Variants in GRM1 observed in about 807,000 individuals in gnomAD.
GRM1 encodes the protein glutamate metabotropic receptor 1, also known as metabotropic glutamate receptor 1.
GRM1 carries 33 observed loss-of-function variants against 90.9 expected under a neutral mutation model. That is an observed-to-expected ratio of 0.36 (90% CI 0.28 to 0.49). The LOEUF is 0.49. GRM1 is among the 20% of genes least tolerant of loss of function. The probability of loss-of-function intolerance (pLI) is 0.99; values close to 1 mark genes in which losing one functional copy is unlikely to be tolerated. For synonymous variants in GRM1, 700 were observed against 613.2 expected (o/e 1.14, Z -2.09); for missense variants, 1,190 against 1,534.3 (o/e 0.78, Z 3.75).
chr6:146,375,766 G>A (rs1439883375), intron 5 of GRM1, among the ~76,000 whole-genome samples: 1 of 151,908 alleles, frequency 6.6e-6, no homozygotes, highest in East Asian at 1.9e-4. Flanking sequence ...TTTATTTTCA[G>A]TCTAACCATG....
At chr6:146,235,196 A>T (rs546384984) in intron 2 of GRM1, among the ~76,000 whole-genome samples, 59 of 152,260 alleles carry the variant, frequency 3.9e-4, no homozygotes, top group African/African-American at 1.4e-3. Context: ...CACAGGGCAT[A>T]AAATTCTCAC....
chr6:146,319,598 G>A (rs927164828), intron 3 of GRM1, among the ~76,000 whole-genome samples: 2 of 152,190 alleles, frequency 1.3e-5, no homozygotes, highest in African/African-American at 4.8e-5. Flanking sequence ...TCCTATCCAT[G>A]AGCATGGGAT....
At chr6:146,366,214 A>G (rs1372026852) in intron 5 of GRM1, among the ~76,000 whole-genome samples, 2 of 152,290 alleles carry the variant, frequency 1.3e-5, no homozygotes. Context: ...ATTTTTATTG[A>G]CACATAATAA....
At chr6:146,344,816 C>A (rs28718733) in intron 3 of GRM1, among the ~76,000 whole-genome samples, 1 of 138,730 alleles carries the variant, frequency 7.2e-6, no homozygotes, top group African/African-American at 2.6e-5. Context: ...TCTTTTTTTT[C>A]TTTCTTTTTT....
At chr6:146,391,949 TAAC>T (rs955085804) in intron 6 of GRM1, among the ~76,000 whole-genome samples, 1 of 152,100 alleles carries the variant, frequency 6.6e-6, no homozygotes, top group African/African-American at 2.4e-5. Flanking sequence ...CCCTCTAGCA[TAAC>T]AACATTGTTC....
chr6:146,082,939 A>G (rs140315887), intron 1 of GRM1, among the ~76,000 whole-genome samples: 94 of 152,298 alleles, frequency 6.2e-4, no homozygotes, highest in African/African-American at 2.0e-3. Context: ...TTCTCCTTGA[A>G]GAAGCCCTTC....
intron 2 of GRM1, among the ~76,000 whole-genome samples, chr6:146,187,865 G>A (rs1192010858): frequency 1.3e-5 from 2 of 151,664 alleles, no homozygotes; most frequent in Non-Finnish European, 2.9e-5. Flanking sequence ...TTCTATAATC[G>A]GTAAGAACAA....
chr6:146,154,197 A>G (rs59291342), intron 1 of GRM1, among the ~76,000 whole-genome samples: 20,338 of 152,170 alleles, frequency 0.13, 2,250 homozygotes, highest in African/African-American at 0.29. Context: ...ATTGAAGTCC[A>G]AGGGTGGGCA....
chr6:146,285,170 A>G (rs921150904), intron 2 of GRM1, among the ~76,000 whole-genome samples: 10 of 152,204 alleles, frequency 6.6e-5, no homozygotes, highest in Admixed American at 5.2e-4. Flanking sequence ...CCTACCTCAC[A>G]GCTGATACAC....
At chr6:146,165,747 A>G (rs1777882044) in intron 2 of GRM1, among the ~76,000 whole-genome samples, 1 of 152,128 alleles carries the variant, frequency 6.6e-6, no homozygotes, top group African/African-American at 2.4e-5. Context: ...AAGGAGAAGG[A>G]ATTTTGTTTA....
At chr6:146,085,205 A>G (rs1039912610) in intron 1 of GRM1, among the ~76,000 whole-genome samples, 2 of 152,144 alleles carry the variant, frequency 1.3e-5, no homozygotes, top group South Asian at 2.1e-4. Flanking sequence ...TAAAAATATC[A>G]TAATATTTTT....
Position 146,055,678 on chromosome 6 carries a change from G to A in GRM1, c.700+25461G>A, listed in dbSNP as rs568877096. Among the ~76,000 whole-genome samples, 167 of 152,164 alleles carry A rather than the reference G, an allele frequency of 1.1e-3. 1 individual carries two copies. The highest frequency in any genetic ancestry group is 2.1e-3 in the Non-Finnish European group (140 of 68,002). On this transcript the variant is annotated intron_variant, in intron 1 of 7. Transcript: ENST00000282753. Reference sequence around the variant, plus strand: ...TGACAGCACGTAGGCAGCATGTAGAGCAATAAATAATTTCCCTCGGCAGCT... The same window carrying A: ...TGACAGCACGTAGGCAGCATGTAGAACAATAAATAATTTCCCTCGGCAGCT...
chr6:146,077,788 C>T (rs986984600), intron 1 of GRM1, among the ~76,000 whole-genome samples: 15 of 152,088 alleles, frequency 9.9e-5, no homozygotes, highest in African/African-American at 2.9e-4. Context: ...CCTCATACAC[C>T]AGGCCCTGGT....
At chr6:146,341,908 A>G (rs980868164) in intron 3 of GRM1, among the ~76,000 whole-genome samples, 2 of 152,214 alleles carry the variant, frequency 1.3e-5, no homozygotes, top group African/African-American at 4.8e-5. Flanking sequence ...CTAAACTAAT[A>G]TTAACAACCA....
chr6:146,195,380 C>A (rs1273366044), intron 2 of GRM1, among the ~76,000 whole-genome samples: 1 of 152,206 alleles, frequency 6.6e-6, no homozygotes, highest in Non-Finnish European at 1.5e-5. Flanking sequence ...AACTTTTCAC[C>A]TATCTCTTCA....
intron 2 of GRM1, among the ~76,000 whole-genome samples, chr6:146,227,052 TTTA>T (rs1424141056): frequency 2.0e-5 from 3 of 152,148 alleles, no homozygotes; most frequent in Non-Finnish European, 4.4e-5. Context: ...TTTTATTAAT[TTTA>T]TTATATCATT....
chr6:146,042,961 CA>C (rs1203159377), intron 1 of GRM1, among the ~76,000 whole-genome samples: 1 of 151,968 alleles, frequency 6.6e-6, no homozygotes, highest in Non-Finnish European at 1.5e-5. Context: ...TGATATTTAA[CA>C]GTGTCATCTG....
chr6:146,381,643 G>A (rs753746838), intron 5 of GRM1, among the ~76,000 whole-genome samples: 5 of 152,160 alleles, frequency 3.3e-5, no homozygotes, highest in Non-Finnish European at 7.4e-5. Flanking sequence ...CTTGGTGGGG[G>A]AGGCAGACAA....
At chr6:146,122,902 T>TG (rs1352869629) in intron 1 of GRM1, among the ~76,000 whole-genome samples, 1 of 136,570 alleles carries the variant, frequency 7.3e-6, no homozygotes, top group Non-Finnish European at 1.5e-5. Context: ...TGGAGTGCAG[T>TG]GGGGCAATCT....
Sources: gnomAD v4.1 joint callset for allele counts (sites outside exome capture counted in the v4.1 genomes callset) on GRCh38, gnomAD v4.1.1 for gene constraint, MANE v1.5 for transcripts, NCBI Gene and HGNC (gene_info 2026-07-23, HGNC 2026-07-21) for gene names.